HS3ST4: variants seen among roughly 807,000 people sequenced by gnomAD.
The protein encoded by HS3ST4 is heparan sulfate-glucosamine 3-sulfotransferase 4.
Under a neutral mutation model 29.2 loss-of-function variants are expected in HS3ST4, and 17 were observed. That is an observed-to-expected ratio of 0.58 (90% CI 0.40 to 0.87). HS3ST4 has a LOEUF of 0.87. Among genes scored for constraint, HS3ST4 ranks in the 40% least tolerant of loss-of-function variants. The pLI is 0.00. For synonymous variants in HS3ST4, 314 were observed against 285.7 expected (o/e 1.10, Z -1.00); for missense variants, 627 against 634.5 (o/e 0.99, Z 0.13).
At chr16:25,998,879 T>C (rs1969179340) in intron 1 of HS3ST4, among the ~76,000 whole-genome samples, 1 of 152,216 alleles carries the variant, frequency 6.6e-6, no homozygotes, top group African/African-American at 2.4e-5. Context: ...CTCTGAGCAA[T>C]TATTATGCTG....
chr16:25,899,352 T>C (rs1968099625), intron 1 of HS3ST4, among the ~76,000 whole-genome samples: 1 of 152,224 alleles, frequency 6.6e-6, no homozygotes, highest in East Asian at 1.9e-4. Flanking sequence ...AGGCATTAAC[T>C]TCCATCTTCT....
intron 1 of HS3ST4, among the ~76,000 whole-genome samples, chr16:25,923,135 A>G (rs1292327341): frequency 1.3e-5 from 2 of 152,322 alleles, no homozygotes; most frequent in East Asian, 3.9e-4. Flanking sequence ...CCATTGTTGT[A>G]CAAATCCATG....
intron 1 of HS3ST4, among the ~76,000 whole-genome samples, chr16:25,891,760 C>T (rs750282487): frequency 6.6e-6 from 1 of 152,158 alleles, no homozygotes; most frequent in African/African-American, 2.4e-5. Flanking sequence ...TCTAGTCTGC[C>T]ACAAGTGGTG....
chr16:25,876,242 C>A (rs2141662016), intron 1 of HS3ST4, among the ~76,000 whole-genome samples: 1 of 152,120 alleles, frequency 6.6e-6, no homozygotes, highest in East Asian at 1.9e-4. Context: ...AATTAAGAAT[C>A]ATTTTGTGGT....
chr16:25,835,623 G>T (rs143710654), intron 1 of HS3ST4, among the ~76,000 whole-genome samples: 1 of 152,156 alleles, frequency 6.6e-6, no homozygotes, highest in Non-Finnish European at 1.5e-5. Flanking sequence ...ATGAGGAAAC[G>T]GAGGCATAGA....
At chr16:25,710,120 T>C (rs1966405701) in intron 1 of HS3ST4, among the ~76,000 whole-genome samples, 1 of 152,038 alleles carries the variant, frequency 6.6e-6, no homozygotes, top group African/African-American at 2.4e-5. Context: ...TGTGATTTAA[T>C]TTTTTCTGCT....
At chr16:25,757,028 C>T (rs964873139) in intron 1 of HS3ST4, among the ~76,000 whole-genome samples, 2 of 152,066 alleles carry the variant, frequency 1.3e-5, no homozygotes, top group Non-Finnish European at 2.9e-5. Context: ...TTTTAATAAC[C>T]CTGTGCCTAT....
intron 1 of HS3ST4, among the ~76,000 whole-genome samples, chr16:25,848,314 A>G (rs1443140159): frequency 2.6e-5 from 4 of 151,910 alleles, no homozygotes; most frequent in Non-Finnish European, 5.9e-5. Flanking sequence ...AATTTTTTGT[A>G]TCTTTAGTAG....
chr16:25,787,826 T>A (rs1355108585), intron 1 of HS3ST4, among the ~76,000 whole-genome samples: 3 of 152,232 alleles, frequency 2.0e-5, no homozygotes, highest in African/African-American at 7.2e-5. Context: ...TTCTGTTTTT[T>A]AAGATGCAAT....
At chr16:25,825,044 G>C (rs1250012356) in intron 1 of HS3ST4, among the ~76,000 whole-genome samples, 1 of 152,200 alleles carries the variant, frequency 6.6e-6, no homozygotes, top group Non-Finnish European at 1.5e-5. Context: ...GTCATTACAA[G>C]AAGAGGGAAA....
At chr16:26,042,090 A>C (rs1043834546) in intron 1 of HS3ST4, among the ~76,000 whole-genome samples, 1 of 152,198 alleles carries the variant, frequency 6.6e-6, no homozygotes, top group Admixed American at 6.5e-5. Context: ...GCTCTTATTC[A>C]AAAATCCTTT....
chr16:25,854,776 A>G (rs1967558655), intron 1 of HS3ST4, among the ~76,000 whole-genome samples: 1 of 137,414 alleles, frequency 7.3e-6, no homozygotes, highest in African/African-American at 2.9e-5. Flanking sequence ...AAGGGAGGCG[A>G]GGTGTTTGTT....
At chr16:25,817,948 T>C (rs1280426546) in intron 1 of HS3ST4, among the ~76,000 whole-genome samples, 3 of 152,172 alleles carry the variant, frequency 2.0e-5, no homozygotes, top group Non-Finnish European at 4.4e-5. Context: ...AAGGCAGGAA[T>C]TAGTGTGTAC....
intron 1 of HS3ST4, among the ~76,000 whole-genome samples, chr16:25,739,395 GTGAA>G (rs1966636315): frequency 6.6e-6 from 1 of 152,106 alleles, no homozygotes; most frequent in African/African-American, 2.4e-5. Flanking sequence ...AACTTGCTGA[GTGAA>G]TGAATGAAGG....
At chr16:25,891,701 T>C (rs1490802057) in intron 1 of HS3ST4, among the ~76,000 whole-genome samples, 1 of 152,206 alleles carries the variant, frequency 6.6e-6, no homozygotes, top group East Asian at 1.9e-4. Context: ...AAAATGATGT[T>C]GTAAGAAAGC....
intron 1 of HS3ST4, among the ~76,000 whole-genome samples, chr16:26,031,905 A>C (rs1387509049): frequency 1.3e-5 from 2 of 152,254 alleles, no homozygotes; most frequent in Non-Finnish European, 2.9e-5. Flanking sequence ...TGCTCTGAAC[A>C]GGGAAAGTTT....
At chr16:25,748,431 G>A (rs1966698435) in intron 1 of HS3ST4, among the ~76,000 whole-genome samples, 1 of 152,120 alleles carries the variant, frequency 6.6e-6, no homozygotes, top group Non-Finnish European at 1.5e-5. Context: ...AAACTGCAGA[G>A]CCCAGCTCCT....
intron 1 of HS3ST4, among the ~76,000 whole-genome samples, chr16:25,920,452 A>G (rs375080953): frequency 6.6e-6 from 1 of 152,170 alleles, no homozygotes; most frequent in African/African-American, 2.4e-5. Flanking sequence ...TTCATTCTTC[A>G]GAAGAATGAA....
intron 1 of HS3ST4, among the ~76,000 whole-genome samples, chr16:25,757,588 A>G (rs996358466): frequency 1.3e-5 from 2 of 148,620 alleles, no homozygotes; most frequent in African/African-American, 4.9e-5. Flanking sequence ...GTAATATATT[A>G]TATAATATAT....
Sources: gnomAD v4.1 joint callset for allele counts (sites outside exome capture counted in the v4.1 genomes callset) on GRCh38, gnomAD v4.1.1 for gene constraint, MANE v1.5 for transcripts, NCBI Gene and HGNC (gene_info 2026-07-23, HGNC 2026-07-21) for gene names.